The following RNF213 variants were observed in gnomAD, a reference collection of about 807,000 sequenced individuals.
RNF213 encodes E3 ubiquitin-protein ligase RNF213.
RNF213 carries 341 observed loss-of-function variants against 514.4 expected under a neutral mutation model. That is an observed-to-expected ratio of 0.66 (90% confidence interval 0.61 to 0.73). The LOEUF is 0.73. Ranked by LOEUF, RNF213 falls within the 30% of genes least tolerant of loss-of-function variation. The probability of loss-of-function intolerance (pLI) is 0.00; values close to 1 mark genes in which losing one functional copy is unlikely to be tolerated. For synonymous variants in RNF213, 2,655 were observed against 2,658.2 expected (o/e 1.00, Z 0.04); for missense variants, 5,767 against 6,615.6 (o/e 0.87, Z 4.45).
At chr17:80,338,958 TA>T (rs60333843) in intron 25 of RNF213, among the ~76,000 whole-genome samples, 13,882 of 143,008 alleles carry the variant, frequency 0.097, 1,069 homozygotes, top group African/African-American at 0.22. Flanking sequence ...AAAAAAAAAT[TA>T]AAAAAAAAAA....
At chr17:80,333,538 A>G (rs1388122904) in intron 21 of RNF213, among the ~76,000 whole-genome samples, 1 of 151,742 alleles carries the variant, frequency 6.6e-6, no homozygotes, top group Admixed American at 6.6e-5. Flanking sequence ...TACTAAAAAT[A>G]CAAAAATTAG....
At chr17:80,354,877 C>A (rs1039206980) in intron 36 of RNF213, 3 of 434,798 alleles carry the variant, frequency 6.9e-6, no homozygotes, top group Non-Finnish European at 1.3e-5. Flanking sequence ...ATGTTGATAA[C>A]CCTAGAAAGG....
intron 2 of RNF213, among the ~76,000 whole-genome samples, chr17:80,269,479 A>ATCCATCCG (rs750580187): frequency 0.017 from 2,494 of 150,388 alleles, 26 homozygotes; most frequent in East Asian, 0.092. Flanking sequence ...CATCTATTCT[A>ATCCATCCG]TCTATCCATC....
intron 11 of RNF213, among the ~76,000 whole-genome samples, chr17:80,299,811 G>A (rs540396094): frequency 9.2e-5 from 14 of 152,214 alleles, no homozygotes; most frequent in African/African-American, 2.9e-4. Context: ...GAGAACCTGC[G>A]GTATTTGGTT....
Position 80,344,832 on chromosome 17 carries a change from G to A in RNF213, c.6497G>A (p.Arg2166Lys). Residue 2166 changes from arginine to lysine, a missense_variant, in exon 29 of 68, where the codon AGA (arginine) becomes AAA (lysine). Around this residue, in one of 13 missense-constraint regions of RNF213, gnomAD observed 1,377 missense variants for 1,635.2 expected, o/e 0.84. Coordinates refer to ENST00000582970, the MANE Select transcript of RNF213 (RefSeq NM_001256071.3). ...GAGTTCTGCAGCGAAACTTTCCAAAGACCTTACCAGTATTTAAGACGATTC... is the reference window on the plus strand; with the variant it reads ...GAGTTCTGCAGCGAAACTTTCCAAAAACCTTACCAGTATTTAAGACGATTC... ...LWEFCSETFQ[R>K]PYQYLRRFNQ... 6.2e-7 allele frequency: 1 copy of A among 1,614,106 alleles called. No individual in the cohort carries two copies. Among genetic ancestry groups the A allele is most frequent in the Non-Finnish European group, 8.5e-7 (1 of 1,180,038 alleles).
intron 3 of RNF213, among the ~76,000 whole-genome samples, chr17:80,278,448 G>A (rs923891848): frequency 6.6e-6 from 1 of 152,204 alleles, no homozygotes; most frequent in Non-Finnish European, 1.5e-5. Flanking sequence ...GGCGCCGGGA[G>A]CCTGGTAGGG....
intron 3 of RNF213, 21 bp downstream of exon 3, chr17:80,273,425 C>T: frequency 1.9e-6 from 3 of 1,610,290 alleles, no homozygotes; most frequent in African/African-American, 1.3e-5. Context: ...TGCCTCGGCT[C>T]CCCTCCGCCC....
Position 80,383,039 on chromosome 17 carries a change from A to T in RNF213, c.14039A>T (p.Glu4680Val), listed in dbSNP as rs2080085954. 6.2e-7 allele frequency: 1 copy of T among 1,614,004 alleles called. No individual in the cohort carries two copies. The highest frequency in any genetic ancestry group is 2.2e-5 in the East Asian group (1 of 44,880). The change falls in exon 58 of 68, where the codon GAA becomes GTA. Residue 4680 changes from glutamate (E) to valine (V), a missense_variant. Around this residue, in one of 13 missense-constraint regions of RNF213, gnomAD observed 1,245 missense variants for 1,339.0 expected, o/e 0.93. Transcript: ENST00000582970. ...TKEMRNNWEK[E>V]IAAVISPELE... ...GAAATGAGGAACAACTGGGAAAAGG[A>T]AATCGCAGCTGTGATTTCTCCTGAA...
intron 56 of RNF213, chr17:80,381,218 G>A: frequency 1.6e-6 from 1 of 616,936 alleles, no homozygotes; most frequent in Non-Finnish European, 2.9e-6. Context: ...AACACTCTGT[G>A]TCTCTGGTCC....
intron 36 of RNF213, among the ~76,000 whole-genome samples, chr17:80,356,368 T>C (rs756288806): frequency 4.6e-5 from 7 of 152,224 alleles, no homozygotes; most frequent in Non-Finnish European, 8.8e-5. Flanking sequence ...ACCTCCTCAG[T>C]CTGCTCTTCC....
At chr17:80,330,827 CT>C (rs2046393822) in intron 20 of RNF213, among the ~76,000 whole-genome samples, 1 of 151,970 alleles carries the variant, frequency 6.6e-6, no homozygotes, top group African/African-American at 2.4e-5. Flanking sequence ...TGGACCATGT[CT>C]TTTTTTTGGG....
intron 11 of RNF213, among the ~76,000 whole-genome samples, chr17:80,304,220 C>G (rs889802479): frequency 3.3e-5 from 5 of 151,962 alleles, no homozygotes; most frequent in South Asian, 2.1e-4. Flanking sequence ...TTCTAGGGAG[C>G]CTTGCTTTAT....
intron 5 of RNF213, 61 bp from the exon 6 acceptor site, chr17:80,289,598 A>G (rs1238107366): frequency 2.1e-5 from 33 of 1,571,136 alleles, no homozygotes; most frequent in Non-Finnish European, 2.8e-5. Context: ...CTCAGAAAAA[A>G]AAAAAAAAAA....
At position 80,309,229 on chromosome 17, in the gene RNF213, G is replaced by C. The variant is rs2143620405; in HGVS notation, c.2655+58G>C. The C allele has an allele frequency of 3.7e-6, 6 of 1,603,372 alleles. No individual in the cohort carries two copies. In the Admixed American group the frequency reaches 1.0e-4, roughly 27 times the overall value. On this transcript the variant is annotated intron_variant, in intron 14 of 67. Coordinates refer to ENST00000582970, the MANE Select transcript of RNF213 (RefSeq NM_001256071.3). ...CGGGATAGGTGCGGAATTTCAAGCA[G>C]CCTCAATTTGGAAAGGAAACAGACT...
At chr17:80,290,507 G>T in intron 6 of RNF213, 63 bp from the exon 7 acceptor site, 2 of 1,595,654 alleles carry the variant, frequency 1.3e-6, no homozygotes, top group Non-Finnish European at 1.7e-6. Flanking sequence ...GCGCGTGTGT[G>T]CATGCACATG....
At position 80,369,796 on chromosome 17, in the gene RNF213, T is replaced by C; in HGVS notation, c.12354T>C (p.Ser4118=). 1.9e-6 allele frequency: 3 copies of C among 1,614,026 alleles called. No individual in the cohort carries two copies. Among genetic ancestry groups the C allele is most frequent in the African/African-American group, 2.7e-5 (2 of 75,064 alleles). Residue 4118 remains serine (S), a synonymous_variant, in exon 46 of 68, where the codon TCT becomes TCC. Coordinates refer to ENST00000582970, the MANE Select transcript of RNF213 (RefSeq NM_001256071.3). ...ACTGTGAACACACAAAATCTCTCTCTCCATTCAATGATGTTGTGGATAAGA... is the reference window on the plus strand; with the variant it reads ...ACTGTGAACACACAAAATCTCTCTCCCCATTCAATGATGTTGTGGATAAGA... ...QRHCEHTKSL[S]PFNDVVDKTP...
Position 80,340,251 on chromosome 17 carries a change from T to C in RNF213, c.5884T>C (p.Tyr1962His). ...PQAPLEAIQA[Y>H]LAGHYRVPKQ... ...GGCACCCCTCGAGGCCATCCAAGCC[T>C]ACCTGGCAGGTCACTACCGGGTCCC... is the stretch of plus-strand genomic sequence containing the variant. The change falls in exon 26 of 68, where the codon TAC (tyrosine) becomes CAC (histidine). Residue 1962 changes from tyrosine to histidine, a missense_variant. Tyr to His is a moderately conservative substitution (Grantham distance 83). Transcript: ENST00000582970. 2 of 1,614,102 alleles carry C rather than the reference T, an allele frequency of 1.2e-6. No homozygotes were observed. The highest frequency in any genetic ancestry group is 1.7e-6 in the Non-Finnish European group (2 of 1,180,026).
chr17:80,354,675 G>A, intron 36 of RNF213, 99 bp downstream of exon 36: 1 of 1,454,880 alleles, frequency 6.9e-7, no homozygotes, highest in East Asian at 2.3e-5. Context: ...TGGGGACTGA[G>A]CTGTTTCTTT....
At chr17:80,338,080 G>A (rs939488753) in intron 25 of RNF213, 83 bp downstream of exon 25, 2 of 1,482,260 alleles carry the variant, frequency 1.3e-6, no homozygotes, top group Non-Finnish European at 1.8e-6. Flanking sequence ...AAAACGGAAA[G>A]GATTTGACTT....
Sources: allele counts gnomAD v4.1 joint callset (sites outside exome capture counted in the v4.1 genomes callset), GRCh38; gene constraint gnomAD v4.1.1; regional missense constraint gnomAD v4.1.1; transcripts MANE v1.5; gene names NCBI Gene and HGNC (gene_info 2026-07-23, HGNC 2026-07-21).